The following VMP1 variants were observed in gnomAD, a reference collection of about 807,000 sequenced individuals.
VMP1 encodes ectopic P-granules autophagy protein 3 homolog.
In VMP1, 11 loss-of-function variants were observed where a neutral mutation model predicts 56.0. The ratio of observed to expected loss-of-function variants is 0.20; its 90% confidence interval spans 0.12 to 0.32. The LOEUF is 0.32. Ranked by LOEUF, VMP1 falls within the 10% of genes least tolerant of loss-of-function variation. VMP1 has a pLI of 1.00. For missense variants in VMP1, 296 were observed against 490.3 expected, an observed-to-expected ratio of 0.60 and a Z score of 3.74; for synonymous variants, 149 against 165.0, an observed-to-expected ratio of 0.90 and a Z score of 0.74.
At chr17:59,748,359 C>T (rs1423453227) in intron 5 of VMP1, among the ~76,000 whole-genome samples, 1 of 152,038 alleles carries the variant, frequency 6.6e-6, no homozygotes, top group African/African-American at 2.4e-5. Context: ...TGATTGAAAC[C>T]GATTTTGTTA....
chr17:59,740,268 T>A (rs1308232276), intron 5 of VMP1, among the ~76,000 whole-genome samples: 1 of 152,134 alleles, frequency 6.6e-6, no homozygotes, highest in East Asian at 1.9e-4. Context: ...AAGTGCCTCA[T>A]TAAATTTTGT....
intron 2 of VMP1, among the ~76,000 whole-genome samples, chr17:59,731,842 T>C (rs1371393443): frequency 6.6e-6 from 1 of 152,190 alleles, no homozygotes; most frequent in Non-Finnish European, 1.5e-5. Flanking sequence ...GATTATAAAC[T>C]TACTACACTG....
chr17:59,714,225 C>T (rs2143704736), intron 1 of VMP1, among the ~76,000 whole-genome samples: 1 of 152,162 alleles, frequency 6.6e-6, no homozygotes, highest in Middle Eastern at 3.4e-3. Flanking sequence ...AGGGACTCTG[C>T]AGAGTGCCGA....
intron 1 of VMP1, among the ~76,000 whole-genome samples, chr17:59,724,661 A>C (rs1044142794): frequency 6.7e-6 from 1 of 149,118 alleles, no homozygotes; most frequent in Non-Finnish European, 1.5e-5. Flanking sequence ...AACAGAGTGA[A>C]ACTTTGTCTC....
intron 10 of VMP1, among the ~76,000 whole-genome samples, chr17:59,833,095 G>A (rs751214176): frequency 1.3e-5 from 2 of 151,904 alleles, no homozygotes; most frequent in Non-Finnish European, 2.9e-5. Flanking sequence ...GAACTGTGTT[G>A]CAAATTATTA....
chr17:59,830,407 T>A (rs1292063), intron 10 of VMP1, among the ~76,000 whole-genome samples: 113,092 of 151,352 alleles, frequency 0.75, 42,620 homozygotes, highest in Middle Eastern at 0.8. Context: ...TCCTGAAAAA[T>A]TTTTTTTTTC....
intron 7 of VMP1, among the ~76,000 whole-genome samples, chr17:59,806,446 C>T (rs538706373): frequency 6.6e-6 from 1 of 152,050 alleles, no homozygotes; most frequent in African/African-American, 2.4e-5. Context: ...AAATCTGAGG[C>T]CTGGGGTGGT....
At chr17:59,773,671 AT>A in intron 6 of VMP1, 82 bp from the exon 7 acceptor site, 1 of 1,317,004 alleles carries the variant, frequency 7.6e-7, no homozygotes, top group South Asian at 1.7e-5. Context: ...GCTTCTGGTG[AT>A]ATAGAAGAGT....
chr17:59,797,161 C>T (rs1024068945), intron 7 of VMP1, among the ~76,000 whole-genome samples: 3 of 150,298 alleles, frequency 2.0e-5, no homozygotes, highest in Non-Finnish European at 4.5e-5. Flanking sequence ...GTGAAACCCC[C>T]CCCCCGTCTC....
intron 8 of VMP1, 126 bp downstream of exon 8, chr17:59,809,002 CCTT>C: frequency 1.3e-6 from 1 of 759,340 alleles, no homozygotes; most frequent in South Asian, 2.2e-5. Flanking sequence ...GAATCATTCA[CCTT>C]TTTTTTTTTT....
intron 7 of VMP1, among the ~76,000 whole-genome samples, chr17:59,804,214 A>G (rs1177361326): frequency 6.6e-6 from 1 of 152,184 alleles, no homozygotes; most frequent in African/African-American, 2.4e-5. Context: ...ATTGCACGTA[A>G]CATATAGAAC....
intron 9 of VMP1, among the ~76,000 whole-genome samples, chr17:59,814,177 C>A (rs1461282508): frequency 6.6e-6 from 1 of 152,184 alleles, no homozygotes; most frequent in East Asian, 1.9e-4. Flanking sequence ...ATAGGGTTCA[C>A]CATATTGGCC....
At chr17:59,819,163 C>T (rs1210516074) in intron 10 of VMP1, among the ~76,000 whole-genome samples, 2 of 152,074 alleles carry the variant, frequency 1.3e-5, no homozygotes, top group African/African-American at 4.8e-5. Flanking sequence ...TGGATTATAA[C>T]TTGTACACTA....
intron 9 of VMP1, among the ~76,000 whole-genome samples, chr17:59,812,623 C>T (rs546471615): frequency 2.2e-4 from 34 of 152,220 alleles, no homozygotes; most frequent in Admixed American, 5.2e-4. Flanking sequence ...TAACAAAGAA[C>T]GTTATTAACC....
At chr17:59,823,275 C>A (rs893292005) in intron 10 of VMP1, among the ~76,000 whole-genome samples, 3 of 151,474 alleles carry the variant, frequency 2.0e-5, no homozygotes, top group African/African-American at 7.3e-5. Flanking sequence ...CATGGTAAGA[C>A]CCCCATCTCT....
chr17:59,794,724 A>G (rs1255506317), intron 7 of VMP1, among the ~76,000 whole-genome samples: 1 of 151,488 alleles, frequency 6.6e-6, no homozygotes, highest in Non-Finnish European at 1.5e-5. Context: ...GGTAATAAAT[A>G]CTGGAGTCAG....
intron 1 of VMP1, among the ~76,000 whole-genome samples, chr17:59,723,290 A>G (rs1296338660): frequency 6.6e-6 from 1 of 152,224 alleles, no homozygotes; most frequent in Non-Finnish European, 1.5e-5. Context: ...AGGGTATTTA[A>G]GGCTGAGTGA....
intron 10 of VMP1, among the ~76,000 whole-genome samples, chr17:59,824,812 G>A (rs1342804469): frequency 6.9e-6 from 1 of 145,720 alleles, no homozygotes; most frequent in Non-Finnish European, 1.5e-5. Context: ...GGTGGAAATT[G>A]TAGTGAGCCG....
intron 7 of VMP1, among the ~76,000 whole-genome samples, chr17:59,804,475 C>T (rs1437715359): frequency 2.6e-5 from 4 of 151,618 alleles, no homozygotes; most frequent in Admixed American, 1.3e-4. Context: ...ATCATCCGGG[C>T]GTTGCGGTGT....
Sources: allele counts gnomAD v4.1 joint callset (sites outside exome capture counted in the v4.1 genomes callset), GRCh38; gene constraint gnomAD v4.1.1; transcripts MANE v1.5; gene names NCBI Gene and HGNC (gene_info 2026-07-23, HGNC 2026-07-21).